RAB38: variants seen among roughly 807,000 people sequenced by gnomAD.
RAB38 encodes ras-related protein Rab-38.
Under a neutral mutation model 18.4 loss-of-function variants are expected in RAB38, and 15 were observed. That is an observed-to-expected ratio of 0.82 (90% CI 0.55 to 1.26). The LOEUF is 1.26. Among genes scored for constraint, RAB38 ranks in the 50% most tolerant of loss-of-function variants. RAB38 has a pLI of 0.00. For synonymous variants in RAB38, 101 were observed against 104.4 expected (o/e 0.97, Z 0.20); for missense variants, 294 against 267.4 (o/e 1.10, Z -0.69).
the RAB38 span, among the ~76,000 whole-genome samples, chr11:87,976,224 C>A: frequency 7.0e-5 from 10 of 142,182 alleles, no homozygotes; most frequent in East Asian, 2.0e-3. Flanking sequence ...TATGTATATA[C>A]CTATATATAT....
chr11:88,047,650 C>T, the RAB38 span, among the ~76,000 whole-genome samples: 12 of 152,316 alleles, frequency 7.9e-5, no homozygotes, highest in South Asian at 6.2e-4. Flanking sequence ...TTAATAAAAA[C>T]GCTTCTCAAA....
At chr11:87,913,616 TG>T in the RAB38 span, among the ~76,000 whole-genome samples, 1 of 151,990 alleles carries the variant, frequency 6.6e-6, no homozygotes, top group Non-Finnish European at 1.5e-5. Context: ...TATTGGGAGG[TG>T]GGCCCTAGTG....
the RAB38 span, among the ~76,000 whole-genome samples, chr11:87,896,794 C>T: frequency 9.2e-5 from 14 of 151,596 alleles, 1 homozygote; most frequent in Admixed American, 7.2e-4. Flanking sequence ...TGATAAGTTT[C>T]GTTGTGAATA....
chr11:87,837,965 C>T, the RAB38 span, among the ~76,000 whole-genome samples: 1 of 152,130 alleles, frequency 6.6e-6, no homozygotes, highest in Non-Finnish European at 1.5e-5. Flanking sequence ...ATTACCTGCT[C>T]TTAAGCAATC....
the RAB38 span, among the ~76,000 whole-genome samples, chr11:88,072,732 T>C: frequency 1.3e-5 from 2 of 152,102 alleles, no homozygotes; most frequent in African/African-American, 2.4e-5. Flanking sequence ...GGAAAAATTA[T>C]AGCAGTATAC....
At chr11:87,863,879 T>G in the RAB38 span, among the ~76,000 whole-genome samples, 1 of 151,726 alleles carries the variant, frequency 6.6e-6, no homozygotes, top group African/African-American at 2.4e-5. Context: ...TTAAATTAAA[T>G]AATACAGTGC....
chr11:88,029,296 C>A, the RAB38 span, among the ~76,000 whole-genome samples: 376 of 151,954 alleles, frequency 2.5e-3, 3 homozygotes, highest in Non-Finnish European at 2.2e-3. Context: ...TAAAGACCAT[C>A]GAGACTAGGA....
At chr11:87,903,308 C>T in the RAB38 span, among the ~76,000 whole-genome samples, 3 of 151,096 alleles carry the variant, frequency 2.0e-5, no homozygotes, top group Non-Finnish European at 4.4e-5. Context: ...TTCTTCTTTT[C>T]CCTTTTTGAA....
chr11:87,807,153 T>A, the RAB38 span, among the ~76,000 whole-genome samples: 1 of 152,160 alleles, frequency 6.6e-6, no homozygotes, highest in Non-Finnish European at 1.5e-5. Context: ...GTGGAACAAT[T>A]TCATCCCAAG....
chr11:87,897,633 G>A, the RAB38 span, among the ~76,000 whole-genome samples: 1 of 151,440 alleles, frequency 6.6e-6, no homozygotes, highest in Non-Finnish European at 1.5e-5. Context: ...CCTAAATTTT[G>A]CTTGGATTTA....
chr11:88,126,805 C>A (rs909493391), intron 2 of RAB38, among the ~76,000 whole-genome samples: 2 of 152,062 alleles, frequency 1.3e-5, no homozygotes, highest in Non-Finnish European at 2.9e-5. Context: ...TGTTTCTTTA[C>A]GTATAATCTG....
At chr11:88,031,538 A>C in the RAB38 span, among the ~76,000 whole-genome samples, 1 of 152,022 alleles carries the variant, frequency 6.6e-6, no homozygotes, top group African/African-American at 2.4e-5. Flanking sequence ...ATGTCTCAGG[A>C]TACAAAATCA....
the RAB38 span, among the ~76,000 whole-genome samples, chr11:88,028,014 A>G: frequency 6.6e-6 from 1 of 152,112 alleles, no homozygotes; most frequent in African/African-American, 2.4e-5. Flanking sequence ...TCGGCCTGGT[A>G]CTCCTCTGAG....
chr11:88,071,356 C>T, the RAB38 span, among the ~76,000 whole-genome samples: 1 of 151,964 alleles, frequency 6.6e-6, no homozygotes, highest in South Asian at 2.1e-4. Flanking sequence ...GAATGGAAAA[C>T]TCTCATATGC....
At chr11:88,140,116 G>T (rs1368572233) in intron 2 of RAB38, among the ~76,000 whole-genome samples, 1 of 152,208 alleles carries the variant, frequency 6.6e-6, no homozygotes. Flanking sequence ...GCATTGCCAA[G>T]CAAAGAATTT....
At chr11:88,065,376 T>C in the RAB38 span, among the ~76,000 whole-genome samples, 1 of 152,214 alleles carries the variant, frequency 6.6e-6, no homozygotes, top group East Asian at 1.9e-4. Context: ...GTCGCTTCCA[T>C]TTGCAATGCC....
the RAB38 span, among the ~76,000 whole-genome samples, chr11:87,832,584 G>A: frequency 6.6e-6 from 1 of 152,022 alleles, no homozygotes; most frequent in African/African-American, 2.4e-5. Flanking sequence ...CTTAACTCTC[G>A]CAGAACTCTC....
the RAB38 span, among the ~76,000 whole-genome samples, chr11:88,072,635 T>A: frequency 1.3e-5 from 2 of 152,038 alleles, no homozygotes; most frequent in African/African-American, 2.4e-5. Flanking sequence ...ATCCACTGAA[T>A]AAACTATGGA....
At chr11:88,016,720 A>C in the RAB38 span, among the ~76,000 whole-genome samples, 1 of 152,092 alleles carries the variant, frequency 6.6e-6, no homozygotes, top group African/African-American at 2.4e-5. Flanking sequence ...AAGCAGGTAG[A>C]TTCAAGCAGA....
Sources: gnomAD v4.1 joint callset for allele counts (sites outside exome capture counted in the v4.1 genomes callset) on GRCh38, gnomAD v4.1.1 for gene constraint, MANE v1.5 for transcripts, NCBI Gene and HGNC (gene_info 2026-07-23, HGNC 2026-07-21) for gene names.